WWOX: variants seen among roughly 807,000 people sequenced by gnomAD.
The protein encoded by WWOX is WW domain-containing oxidoreductase.
In WWOX, 69 loss-of-function variants were observed where a neutral mutation model predicts 46.2. The ratio of observed to expected loss-of-function variants is 1.49; its 90% CI spans 1.23 to 1.82. WWOX has a LOEUF of 1.82. Among genes scored for constraint, WWOX ranks in the 40% most tolerant of loss-of-function variants. The pLI, the probability that WWOX is intolerant of heterozygous loss-of-function variation, is 0.00. For missense variants in WWOX, 919 were observed against 542.6 expected (o/e 1.69, Z -6.89); for synonymous variants, 359 against 202.6 (o/e 1.77, Z -6.56).
chr16:79,021,120 C>G (rs1428102960), intron 8 of WWOX, among the ~76,000 whole-genome samples: 4 of 152,170 alleles, frequency 2.6e-5, no homozygotes, highest in Admixed American at 6.5e-5. Flanking sequence ...TTGGCCAGTA[C>G]AAGGCCATTA....
intron 8 of WWOX, among the ~76,000 whole-genome samples, chr16:78,540,820 A>G (rs979648982): frequency 1.3e-5 from 2 of 152,094 alleles, no homozygotes; most frequent in African/African-American, 4.8e-5. Context: ...AGTAGATGGG[A>G]CTACAGGCAT....
intron 8 of WWOX, among the ~76,000 whole-genome samples, chr16:78,797,081 C>G (rs2050758508): frequency 6.6e-6 from 1 of 152,072 alleles, no homozygotes; most frequent in African/African-American, 2.4e-5. Flanking sequence ...CCACCTCAGC[C>G]TCCTAAAGTG....
At chr16:78,309,638 C>G (rs576289660) in intron 5 of WWOX, among the ~76,000 whole-genome samples, 1 of 152,318 alleles carries the variant, frequency 6.6e-6, no homozygotes, top group African/African-American at 2.4e-5. Context: ...TTGAGACTGT[C>G]TTAGGCTTTG....
Position 79,131,716 on chromosome 16 carries a change from C to G in WWOX, c.1057-79892C>G, listed in dbSNP as rs543845154. ...TTTTCAAAAACAGGACATGGGTGATCAAGCAGCAGTATATCTCTTTACTCC... is the reference window on the plus strand; with the variant it reads ...TTTTCAAAAACAGGACATGGGTGATGAAGCAGCAGTATATCTCTTTACTCC... On this transcript the variant is annotated intron_variant, in intron 8 of 8. Coordinates refer to ENST00000566780, the MANE Select transcript of WWOX (RefSeq NM_016373.4). Among the ~76,000 whole-genome samples, 3 of 152,252 alleles carry G rather than the reference C, an allele frequency of 2.0e-5. No individual in the cohort carries two copies. The East Asian group carries it at 5.8e-4, about 29-fold the overall frequency.
chr16:79,090,134 T>G (rs2150598659), intron 8 of WWOX: 1 of 152,202 alleles, frequency 6.6e-6, no homozygotes, highest in African/African-American at 2.4e-5. Flanking sequence ...TAAATATCTG[T>G]TTCTTTGAAG....
At chr16:78,375,305 A>G (rs976443244) in intron 5 of WWOX, among the ~76,000 whole-genome samples, 1 of 152,256 alleles carries the variant, frequency 6.6e-6, no homozygotes, top group African/African-American at 2.4e-5. Flanking sequence ...CATTCAGCCA[A>G]ACAGCCTGAA....
intron 8 of WWOX, chr16:78,503,818 G>A (rs1410910417): frequency 2.0e-5 from 3 of 152,140 alleles, no homozygotes; most frequent in Non-Finnish European, 4.4e-5. Context: ...AACAGATGTC[G>A]ACTCTTTTTC....
chr16:78,321,403 C>CGT (rs2080478261), intron 5 of WWOX, among the ~76,000 whole-genome samples: 1 of 107,518 alleles, frequency 9.3e-6, no homozygotes, highest in Admixed American at 9.8e-5. Context: ...CGTATATATA[C>CGT]GTATATATAT....
At chr16:78,177,807 C>T in intron 5 of WWOX, among the ~76,000 whole-genome samples, 1 of 152,170 alleles carries the variant, frequency 6.6e-6, no homozygotes, top group East Asian at 1.9e-4. Context: ...GGTCTGGAGA[C>T]TCTGTTGGCC....
intron 8 of WWOX, among the ~76,000 whole-genome samples, chr16:78,986,794 T>A (rs1471570881): frequency 6.6e-6 from 1 of 152,220 alleles, no homozygotes; most frequent in African/African-American, 2.4e-5. Context: ...TATTTTGATG[T>A]TGTTAGCTTT....
intron 8 of WWOX, among the ~76,000 whole-genome samples, chr16:78,710,473 C>CAT (rs544025863): frequency 0.094 from 5,992 of 63,510 alleles, 717 homozygotes; most frequent in East Asian, 0.23. Context: ...TAATGGATCT[C>CAT]ATATATATAT....
chr16:78,897,260 A>AAC (rs1555562313), intron 8 of WWOX: 2 of 148,554 alleles, frequency 1.3e-5, no homozygotes, highest in Non-Finnish European at 3.0e-5. Context: ...AAAAAAAAAA[A>AAC]AAAAAACCAA....
At chr16:78,971,055 G>GTA (rs1180349724) in intron 8 of WWOX, among the ~76,000 whole-genome samples, 17 of 151,180 alleles carry the variant, frequency 1.1e-4, no homozygotes, top group Admixed American at 1.1e-3. Context: ...TTCCCAGGGT[G>GTA]TATATATATA....
chr16:78,829,383 C>T (rs1205850934), intron 8 of WWOX, among the ~76,000 whole-genome samples: 1 of 152,088 alleles, frequency 6.6e-6, no homozygotes, highest in Admixed American at 6.5e-5. Context: ...TTATTCGGGC[C>T]TTCAACAGAT....
intron 8 of WWOX, among the ~76,000 whole-genome samples, chr16:78,489,847 T>A (rs1175096690): frequency 6.6e-6 from 1 of 152,024 alleles, no homozygotes; most frequent in Non-Finnish European, 1.5e-5. Context: ...AAGCAAAGGG[T>A]GTATCACTGG....
At chr16:79,139,194 C>A (rs566694571) in intron 8 of WWOX, among the ~76,000 whole-genome samples, 1 of 152,144 alleles carries the variant, frequency 6.6e-6, no homozygotes, top group Non-Finnish European at 1.5e-5. Context: ...TATATTTCAG[C>A]GTGCCTCCTA....
At chr16:78,106,000 C>T (rs1329296550) in intron 1 of WWOX, among the ~76,000 whole-genome samples, 14 of 152,078 alleles carry the variant, frequency 9.2e-5, no homozygotes, top group Admixed American at 9.2e-4. Context: ...TGGGGTTTTG[C>T]CATGTTGCCT....
chr16:79,118,654 A>C (rs1056616666), intron 8 of WWOX, among the ~76,000 whole-genome samples: 4 of 152,228 alleles, frequency 2.6e-5, no homozygotes, highest in African/African-American at 9.6e-5. Flanking sequence ...AATATTTAAA[A>C]AGAAGGAAGA....
Position 78,206,475 on chromosome 16 carries a change from A to G in WWOX, c.516+42186A>G, listed in dbSNP as rs573064721. Among the ~76,000 whole-genome samples, 4 of 152,260 alleles carry G rather than the reference A, an allele frequency of 2.6e-5. No homozygotes were observed. The East Asian group carries it at 7.7e-4, about 29-fold the overall frequency. On this transcript the variant is annotated intron_variant, in intron 5 of 8. Coordinates refer to ENST00000566780, the MANE Select transcript of WWOX (RefSeq NM_016373.4). ...ACCCCATTTTGGTCTTTACCTTCAA[A>G]AGACGGGAGAAAGACTGAGAGAAGT...
Sources: gnomAD v4.1 joint callset for allele counts (sites outside exome capture counted in the v4.1 genomes callset) on GRCh38, gnomAD v4.1.1 for gene constraint, MANE v1.5 for transcripts, NCBI Gene and HGNC (gene_info 2026-07-23, HGNC 2026-07-21) for gene names.